The following LAMA1 variants were observed in gnomAD, a reference collection of about 807,000 sequenced individuals.
LAMA1 encodes laminin subunit alpha-1.
In LAMA1, 219 loss-of-function variants were observed where a neutral mutation model predicts 348.7. The observed-to-expected ratio is 0.63, with a 90% CI of 0.56 to 0.70. LAMA1 has a LOEUF of 0.70. LAMA1 is among the 30% of genes least tolerant of loss of function. LAMA1 has a pLI of 0.00. For synonymous variants in LAMA1, 1,487 were observed against 1,491.0 expected, an observed-to-expected ratio of 1.00 and a Z score of 0.06; for missense variants, 3,744 against 3,888.0, an observed-to-expected ratio of 0.96 and a Z score of 0.99.
Position 7,087,079 on chromosome 18 carries a change from G to A in LAMA1, c.62-6622C>T, listed in dbSNP as rs534435597. Among the ~76,000 whole-genome samples, 147 of 152,276 alleles carry A rather than the reference G, an allele frequency of 9.7e-4. 1 individual carries two copies. Among genetic ancestry groups the A allele is most frequent in the South Asian group, 9.1e-3 (44 of 4,820 alleles). On this transcript the variant is annotated intron_variant, in intron 1 of 62. Coordinates refer to ENST00000389658, the MANE Select transcript of LAMA1 (RefSeq NM_005559.4). ...ATTATTATTCTTTGCTTCTTTGTGCGTCGGACTGAAGTTGACCCTTTCATC... is the reference window on the plus strand; with the variant it reads ...ATTATTATTCTTTGCTTCTTTGTGCATCGGACTGAAGTTGACCCTTTCATC...
At chr18:7,050,577 A>C (rs2058058350) in intron 4 of LAMA1, 117 bp downstream of exon 4, 1 of 1,456,674 alleles carries the variant, frequency 6.9e-7, no homozygotes, top group African/African-American at 1.4e-5. Flanking sequence ...AGGCCACTTT[A>C]AATAGAGCTA....
chr18:7,009,345 A>G lies in LAMA1; in HGVS notation c.3895T>C (p.Ser1299Pro). Reference protein sequence around the residue: ...MRENFWKYFNSVSEKPVTRED... With the variant: ...MRENFWKYFNPVSEKPVTRED... The stretch of plus-strand genomic sequence containing the variant: ...CGCGTGACAGGTTTTTCAGAAACAG[A>G]GTTAAAATATTTCCAAAAATTCTGT... Residue 1299 changes from serine to proline, a missense_variant, in exon 27 of 63, where the codon TCT becomes CCT. By Grantham distance (74) the Ser-to-Pro change is moderately conservative (BLOSUM62 -1). Around this residue, in one of 3 missense-constraint regions of LAMA1, gnomAD observed 1,983 missense variants for 1,934.3 expected, o/e 1.03. Transcript: ENST00000389658. 6.2e-7 allele frequency: 1 copy of G among 1,614,154 alleles called. No individual in the cohort carries two copies. Among genetic ancestry groups the G allele is most frequent in the Non-Finnish European group, 8.5e-7 (1 of 1,179,988 alleles).
intron 1 of LAMA1, among the ~76,000 whole-genome samples, chr18:7,117,078 G>C (rs1248669554): frequency 6.6e-6 from 1 of 152,148 alleles, no homozygotes; most frequent in Non-Finnish European, 1.5e-5. Context: ...GGGTCCCCCT[G>C]CCCGGGACGG....
intron 57 of LAMA1, among the ~76,000 whole-genome samples, chr18:6,952,836 T>C (rs2057553443): frequency 6.7e-6 from 1 of 148,262 alleles, no homozygotes; most frequent in African/African-American, 2.5e-5. Context: ...ATCCACGCCA[T>C]AGGAGCCATG....
At chr18:7,073,451 C>T (rs1598306212) in intron 3 of LAMA1, among the ~76,000 whole-genome samples, 1 of 152,212 alleles carries the variant, frequency 6.6e-6, no homozygotes, top group Non-Finnish European at 1.5e-5. Flanking sequence ...CCCCGCTCCA[C>T]TTTCTGTCTC....
At chr18:7,092,126 C>T (rs1194004246) in intron 1 of LAMA1, among the ~76,000 whole-genome samples, 3 of 152,212 alleles carry the variant, frequency 2.0e-5, no homozygotes, top group African/African-American at 7.2e-5. Flanking sequence ...ATTGATACAA[C>T]ACTATATTTT....
At position 7,014,916 on chromosome 18, in the gene LAMA1, G is replaced by A. The variant is rs545558393; in HGVS notation, c.3126+806C>T. ...GGCTGGAATGCAGTGGCCCGATATC[G>A]GCTCACTGCAAGCTCCGCCTCCCGG... On this transcript the variant is annotated intron_variant, in intron 22 of 62. Transcript: ENST00000389658. Among the ~76,000 whole-genome samples, 5 of 151,720 alleles carry A rather than the reference G, an allele frequency of 3.3e-5. No homozygotes were observed. In the South Asian group the frequency reaches 6.3e-4, roughly 19 times the overall value.
intron 3 of LAMA1, among the ~76,000 whole-genome samples, chr18:7,071,864 A>C (rs1352106578): frequency 6.6e-6 from 1 of 152,246 alleles, no homozygotes; most frequent in Admixed American, 6.5e-5. Flanking sequence ...ACAGGAGCCA[A>C]GTCACAGGCG....
intron 3 of LAMA1, among the ~76,000 whole-genome samples, chr18:7,069,445 G>C (rs1470727083): frequency 6.6e-6 from 1 of 152,154 alleles, no homozygotes; most frequent in Non-Finnish European, 1.5e-5. Context: ...TGATGCAGTA[G>C]CAGTTTTAAA....
chr18:7,098,539 C>A (rs943434548), intron 1 of LAMA1, among the ~76,000 whole-genome samples: 2 of 151,242 alleles, frequency 1.3e-5, no homozygotes, highest in African/African-American at 2.4e-5. Context: ...TGCCCGGCTG[C>A]GACCCCGTCT....
chr18:7,073,666 T>A (rs28647778), intron 3 of LAMA1, among the ~76,000 whole-genome samples: 67 of 152,354 alleles, frequency 4.4e-4, no homozygotes, highest in Middle Eastern at 6.8e-3. Context: ...TGATGGTTGA[T>A]GGACATCTGG....
At chr18:7,061,502 T>C (rs1434718098) in intron 3 of LAMA1, among the ~76,000 whole-genome samples, 6 of 152,158 alleles carry the variant, frequency 3.9e-5, no homozygotes, top group Admixed American at 3.9e-4. Flanking sequence ...AAAAAGCACC[T>C]TTTCTATTCC....
intron 32 of LAMA1, 41 bp from the exon 33 acceptor site, chr18:6,997,925 C>T (rs149130470): frequency 2.5e-5 from 40 of 1,594,844 alleles, no homozygotes; most frequent in Admixed American, 1.8e-4. Flanking sequence ...AAAGTTAATG[C>T]GATGTGGTCT....
chr18:7,099,370 C>G (rs1054554745), intron 1 of LAMA1, among the ~76,000 whole-genome samples: 20 of 151,712 alleles, frequency 1.3e-4, no homozygotes, highest in Non-Finnish European at 2.5e-4. Context: ...AACCAGAGAC[C>G]TTTGTTCACT....
intron 16 of LAMA1, 62 bp from the exon 17 acceptor site, chr18:7,026,168 T>C (rs1395147645): frequency 3.8e-6 from 6 of 1,579,534 alleles, no homozygotes; most frequent in Admixed American, 1.8e-5. Flanking sequence ...GATTTATCTA[T>C]AAGCAACTTG....
chr18:6,980,763 A>G, intron 41 of LAMA1, 126 bp from the exon 42 acceptor site: 1 of 652,680 alleles, frequency 1.5e-6, no homozygotes, highest in South Asian at 1.8e-5. Context: ...CAATATTGAC[A>G]GTTTTTCCAG....
chr18:6,974,476 G>A (rs529706854), intron 46 of LAMA1, among the ~76,000 whole-genome samples: 23 of 129,136 alleles, frequency 1.8e-4, no homozygotes, highest in Non-Finnish European at 3.1e-4. Context: ...TTTTTTTTGA[G>A]ATGGGAGTCT....
rs575784018 is a variant in LAMA1, at chr18:7,078,764, C to T, written c.345+1211G>A. ...CAGCACTTTGGGAGGCCAAGGCAGGCGGATCACGAGGTCAAGAGATGAGAC... is the reference window on the plus strand; with the variant it reads ...CAGCACTTTGGGAGGCCAAGGCAGGTGGATCACGAGGTCAAGAGATGAGAC... On this transcript the variant is annotated intron_variant, in intron 3 of 62. Transcript: ENST00000389658. 1.0e-3 allele frequency among the ~76,000 whole-genome samples: 156 copies of T among 151,940 alleles called. 1 individual carries two copies. The South Asian group carries it at 0.014, about 13-fold the overall frequency.
At chr18:7,048,541 A>G (rs1598296702) in intron 5 of LAMA1, among the ~76,000 whole-genome samples, 1 of 152,284 alleles carries the variant, frequency 6.6e-6, no homozygotes, top group East Asian at 1.9e-4. Context: ...CGTGAGCCAC[A>G]ACACCCAGCT....
Sources: allele counts gnomAD v4.1 joint callset (sites outside exome capture counted in the v4.1 genomes callset), GRCh38; gene constraint gnomAD v4.1.1; regional missense constraint gnomAD v4.1.1; transcripts MANE v1.5; gene names NCBI Gene and HGNC (gene_info 2026-07-23, HGNC 2026-07-21).